The following TACC2 variants were observed in gnomAD, a reference collection of about 807,000 sequenced individuals.
TACC2 encodes the protein transforming acidic coiled-coil containing protein 2.
In TACC2, 137 loss-of-function variants were observed where a neutral mutation model predicts 227.3. The observed-to-expected ratio is 0.60, with a 90% CI of 0.52 to 0.69. The LOEUF is 0.69. TACC2 is among the 30% of genes least tolerant of loss of function. TACC2 has a pLI of 0.00. For synonymous variants in TACC2, 1,523 were observed against 1,487.5 expected, an observed-to-expected ratio of 1.02 and a Z score of -0.55; for missense variants, 3,470 against 3,694.4, an observed-to-expected ratio of 0.94 and a Z score of 1.57.
chr10:122,208,985 C>G (rs1168113914), intron 8 of TACC2, among the ~76,000 whole-genome samples: 1 of 152,214 alleles, frequency 6.6e-6, no homozygotes, highest in Non-Finnish European at 1.5e-5. Context: ...CCTAGAGTAG[C>G]CAAGCCAAAG....
chr10:122,026,092 G>T (rs1358736396), intron 2 of TACC2, among the ~76,000 whole-genome samples: 1 of 149,204 alleles, frequency 6.7e-6, no homozygotes, highest in African/African-American at 2.5e-5. Context: ...GCCAAGGCAG[G>T]CGGATCATGA....
At chr10:122,019,861 AAGTCCAGACCACCCC>A (rs1306314307) in intron 1 of TACC2, 1 of 152,238 alleles carries the variant, frequency 6.6e-6, no homozygotes, top group Non-Finnish European at 1.5e-5. Flanking sequence ...CGCAGCTTCC[AAGTCCAGACCACCCC>A]CGAATGTAAG....
chr10:122,073,688 A>G (rs2136817408), intron 3 of TACC2, among the ~76,000 whole-genome samples: 1 of 152,298 alleles, frequency 6.6e-6, no homozygotes, highest in South Asian at 2.1e-4. Flanking sequence ...TGGTTTCTCA[A>G]AGGCTCTGAG....
At chr10:122,230,559 GT>G in intron 16 of TACC2, 119 bp downstream of exon 16, 1 of 884,982 alleles carries the variant, frequency 1.1e-6, no homozygotes. Context: ...GCAAAGAGTC[GT>G]TTCCAAAAAG....
intron 1 of TACC2, among the ~76,000 whole-genome samples, chr10:122,021,104 T>C (rs910524210): frequency 6.6e-6 from 1 of 151,858 alleles, no homozygotes; most frequent in Non-Finnish European, 1.5e-5. Context: ...GTGGCGGGCG[T>C]CTGTAATCCC....
rs1171522183 is a variant in TACC2, at chr10:122,136,415, G to A, written c.5699+3681G>A. Among the ~76,000 whole-genome samples, 4 of 152,146 alleles carry A rather than the reference G, an allele frequency of 2.6e-5. No individual in the cohort carries two copies. In the East Asian group the frequency reaches 7.7e-4, roughly 29 times the overall value. On this transcript the variant is annotated intron_variant, in intron 6 of 22. Coordinates refer to ENST00000369005, the MANE Select transcript of TACC2 (RefSeq NM_206862.4). ...GGGTGGGATGCGGAAGGAGGGGAGG[G>A]ACCAACATGGGGCAGGGGGCAGGCT...
chr10:122,147,243 C>T (rs1437138859), intron 7 of TACC2, among the ~76,000 whole-genome samples: 1 of 152,092 alleles, frequency 6.6e-6, no homozygotes, highest in African/African-American at 2.4e-5. Flanking sequence ...CCCAGAAGCT[C>T]AAGCGATTCT....
At chr10:122,041,354 A>AC (rs36081022) in intron 2 of TACC2, among the ~76,000 whole-genome samples, 59,788 of 151,772 alleles carry the variant, frequency 0.39, 12,404 homozygotes, top group African/African-American at 0.51. Context: ...GGCTGCTTTA[A>AC]TGTGTTTAAT....
chr10:122,107,292 T>C (rs958917247), intron 5 of TACC2, among the ~76,000 whole-genome samples: 1 of 152,142 alleles, frequency 6.6e-6, no homozygotes, highest in Non-Finnish European at 1.5e-5. Flanking sequence ...CCCAGCACTT[T>C]GGGAGGCCGA....
chr10:122,210,251 C>G lies in TACC2; in HGVS notation c.5972-146C>G. ...TTACGGGTAGGTCAGGTTCTGTACC[C>G]AAGTAGTACACACAGTGATGGGCGG... On this transcript the variant is annotated intron_variant, in intron 8 of 22. Coordinates refer to ENST00000369005, the MANE Select transcript of TACC2 (RefSeq NM_206862.4). The surrounding 1 kb of genome is among the most constrained non-coding windows in gnomAD (Gnocchi z 4.6). 2 of 680,654 alleles carry G rather than the reference C, an allele frequency of 2.9e-6. No homozygotes were observed. Among genetic ancestry groups the G allele is most frequent in the Non-Finnish European group, 2.6e-6 (1 of 380,540 alleles). The allele number at this position is 680,654 out of a possible 1,614,324, so 42.2% of individuals were successfully genotyped here.
At position 122,210,550 on chromosome 10, in the gene TACC2, A is replaced by G. The variant is rs1291054240; in HGVS notation, c.6125A>G (p.Asn2042Ser). The part of the protein sequence containing the change: ...SSGTYNLDFD[N>S]IELVDTFQTL... ...GGGACTTACAACTTGGACTTTGACAACATTGAGCTTGTGGATACCTTTCAG... is the reference window on the plus strand; with the variant it reads ...GGGACTTACAACTTGGACTTTGACAGCATTGAGCTTGTGGATACCTTTCAG... The change falls in exon 9 of 23, where the codon AAC (asparagine) becomes AGC (serine). Residue 2042 changes from asparagine (N) to serine (S), a missense_variant. This residue lies in a region of TACC2 where 593 missense variants were observed against 636.6 expected (regional missense o/e 0.93). Coordinates refer to ENST00000369005, the MANE Select transcript of TACC2 (RefSeq NM_206862.4). This position sits in a 1 kb window ranked among gnomAD's most constrained non-coding sequence, Gnocchi z 4.6. 3 of 1,614,118 alleles carry G rather than the reference A, an allele frequency of 1.9e-6. No homozygotes were observed. The highest frequency in any genetic ancestry group is 2.2e-5 in the East Asian group (1 of 44,868).
Position 122,210,443 on chromosome 10 carries a change from C to T in TACC2, c.6018C>T (p.Asp2006=). The change falls in exon 9 of 23, where the codon GAC becomes GAT. Residue 2006 remains aspartate, a synonymous_variant. Transcript: ENST00000369005. This position sits in a 1 kb window ranked among gnomAD's most constrained non-coding sequence, Gnocchi z 4.6. ...CTGTCCCTGATGGCCCACGGAGCGACTCGGTGGAAGGAAGTCCCTTCCGTC... is the reference window on the plus strand; with the variant it reads ...CTGTCCCTGATGGCCCACGGAGCGATTCGGTGGAAGGAAGTCCCTTCCGTC... ...TVPVPDGPRS[D]SVEGSPFRPP... 1 of 1,614,168 alleles carries T rather than the reference C, an allele frequency of 6.2e-7. No individual in the cohort carries two copies. The highest frequency in any genetic ancestry group is 8.5e-7 in the Non-Finnish European group (1 of 1,180,036).
chr10:122,003,625 G>A (rs1250381085), intron 1 of TACC2, among the ~76,000 whole-genome samples: 7 of 151,708 alleles, frequency 4.6e-5, no homozygotes, highest in South Asian at 2.1e-4. Flanking sequence ...TAGTTTAAAC[G>A]ATAATAGCCC....
chr10:122,035,749 T>G (rs1487853128), intron 2 of TACC2, among the ~76,000 whole-genome samples: 1 of 152,146 alleles, frequency 6.6e-6, no homozygotes, highest in Non-Finnish European at 1.5e-5. Flanking sequence ...CTGCCCACAT[T>G]CCACATTCTC....
chr10:122,227,012 A>G (rs2095643217), intron 13 of TACC2, among the ~76,000 whole-genome samples: 1 of 152,138 alleles, frequency 6.6e-6, no homozygotes, highest in South Asian at 2.1e-4. Flanking sequence ...GCTTCCTTGA[A>G]TGTAAAGTAA....
chr10:122,214,400 GA>G (rs2095359004), intron 9 of TACC2, among the ~76,000 whole-genome samples: 1 of 152,152 alleles, frequency 6.6e-6, no homozygotes, highest in Non-Finnish European at 1.5e-5. Context: ...AGAACACAAG[GA>G]AGGAACTTGA....
chr10:122,159,070 G>A (rs2092666179), intron 7 of TACC2, among the ~76,000 whole-genome samples: 1 of 152,202 alleles, frequency 6.6e-6, no homozygotes, highest in African/African-American at 2.4e-5. Flanking sequence ...AGAAGTCTGG[G>A]GGCTGGCAGG....
intron 5 of TACC2, among the ~76,000 whole-genome samples, chr10:122,098,558 G>A (rs915649002): frequency 6.6e-6 from 1 of 152,166 alleles, no homozygotes; most frequent in Admixed American, 6.5e-5. Flanking sequence ...TTTCTTGCCT[G>A]AAAGATGTGT....
intron 5 of TACC2, among the ~76,000 whole-genome samples, chr10:122,103,815 G>A (rs1030810340): frequency 6.6e-6 from 1 of 152,176 alleles, no homozygotes; most frequent in Admixed American, 6.5e-5. Flanking sequence ...GATGGAGGAC[G>A]ATGAGCACTG....
Sources: allele counts gnomAD v4.1 joint callset (sites outside exome capture counted in the v4.1 genomes callset), GRCh38; gene constraint gnomAD v4.1.1; regional missense constraint gnomAD v4.1.1; non-coding constraint Gnocchi (gnomAD v3.1); transcripts MANE v1.5; gene names NCBI Gene and HGNC (gene_info 2026-07-23, HGNC 2026-07-21).